Variants in KIRREL3 observed in about 807,000 individuals in gnomAD.
KIRREL3 encodes kin of IRRE-like protein 3.
A neutral mutation model predicts 89.7 loss-of-function variants in KIRREL3; 36 were observed. That is an observed-to-expected ratio of 0.40 (90% confidence interval 0.31 to 0.53). The LOEUF is 0.53. Among genes scored for constraint, KIRREL3 ranks in the 20% least tolerant of loss-of-function variants. The pLI, the probability that KIRREL3 is intolerant of heterozygous loss-of-function variation, is 0.49. For missense variants in KIRREL3, 864 were observed against 1,056.6 expected (o/e 0.82, Z 2.53); for synonymous variants, 445 against 441.4 (o/e 1.01, Z -0.10).
intron 1 of KIRREL3, among the ~76,000 whole-genome samples, chr11:126,858,274 A>C (rs759385226): frequency 1.3e-5 from 2 of 152,156 alleles, no homozygotes; most frequent in Non-Finnish European, 2.9e-5. Context: ...TGACTATGAG[A>C]GGCCAGGTTT....
At chr11:126,478,687 A>G (rs933925555) in intron 4 of KIRREL3, among the ~76,000 whole-genome samples, 13 of 152,074 alleles carry the variant, frequency 8.5e-5, no homozygotes, top group African/African-American at 2.2e-4. Context: ...ATGTATGTGC[A>G]TGTAGATGTA....
At position 126,441,931 on chromosome 11, in the gene KIRREL3, C is replaced by T. The variant is rs878988382; in HGVS notation, c.1253-1382G>A. Among the ~76,000 whole-genome samples the T allele has an allele frequency of 2.6e-5, 4 of 152,042 alleles. No individual in the cohort carries two copies. The highest frequency in any genetic ancestry group is 6.5e-5 in the Admixed American group (1 of 15,268). ...GATGAGGAGATTGATGTTTTAGGAA[C>T]CGGATGGTGCTTTGTTTTATTGCTG... is the stretch of plus-strand genomic sequence containing the variant. On this transcript the variant is annotated intron_variant, in intron 10 of 16. Transcript: ENST00000525144. This position sits in a 1 kb window ranked among gnomAD's most constrained non-coding sequence, Gnocchi z 5.0.
chr11:126,512,822 C>A (rs1031587498), intron 4 of KIRREL3, among the ~76,000 whole-genome samples: 5 of 152,206 alleles, frequency 3.3e-5, no homozygotes, highest in African/African-American at 1.2e-4. Flanking sequence ...GCCTCTCATG[C>A]CCCAACCCCA....
At chr11:126,450,872 T>C (rs374012666) in intron 7 of KIRREL3, among the ~76,000 whole-genome samples, 22 of 145,498 alleles carry the variant, frequency 1.5e-4, no homozygotes, top group African/African-American at 5.6e-4. Flanking sequence ...TGTGTGTGCA[T>C]GTGTGCATGT....
rs1329290417 is a variant in KIRREL3 at position 126,676,624 on chromosome 11, T to C, written c.56-113712A>G. Among the ~76,000 whole-genome samples the C allele has an allele frequency of 6.6e-6, 1 of 152,158 alleles. No individual in the cohort carries two copies. Among genetic ancestry groups the C allele is most frequent in the Admixed American group, 6.5e-5 (1 of 15,276 alleles). ...CTTTGAGTTCTCAAGTTCAGGAAAC[T>C]CAGACGTGGTCCTGGACTCTCCTTG... On this transcript the variant is annotated intron_variant, in intron 1 of 16. Transcript: ENST00000525144. This position sits in a 1 kb window ranked among gnomAD's most constrained non-coding sequence, Gnocchi z 4.5.
intron 1 of KIRREL3, among the ~76,000 whole-genome samples, chr11:126,950,394 C>A (rs12422046): frequency 0.2 from 30,157 of 151,330 alleles, 3,555 homozygotes; most frequent in East Asian, 0.61. Flanking sequence ...AACAAACAAA[C>A]AAACAAAACC....
chr11:126,792,333 T>G (rs1166156619), intron 1 of KIRREL3, among the ~76,000 whole-genome samples: 1 of 152,220 alleles, frequency 6.6e-6, no homozygotes, highest in Non-Finnish European at 1.5e-5. Flanking sequence ...TCAAACAACT[T>G]TATGAGATAG....
chr11:126,844,887 A>G lies in KIRREL3; in HGVS notation c.55+155568T>C, dbSNP rs1944088112. 6.6e-6 allele frequency among the ~76,000 whole-genome samples: 1 copy of G among 152,178 alleles called. No individual in the cohort carries two copies. Among genetic ancestry groups the G allele is most frequent in the Non-Finnish European group, 1.5e-5 (1 of 68,036 alleles). Reference sequence around the variant, plus strand: ...GGAAGAGATCCTTTTGCTACCAACAAGCAGCCACCTGAAATTGTCAGTGTT... The same window carrying G: ...GGAAGAGATCCTTTTGCTACCAACAGGCAGCCACCTGAAATTGTCAGTGTT... On this transcript the variant is annotated intron_variant, in intron 1 of 16. Transcript: ENST00000525144. This position sits in a 1 kb window ranked among gnomAD's most constrained non-coding sequence, Gnocchi z 4.8.
chr11:126,451,618 ATG>A lies in KIRREL3; in HGVS notation c.849-2463_849-2462del, dbSNP rs200804231. On this transcript the variant is annotated intron_variant, in intron 7 of 16. Coordinates refer to ENST00000525144, the MANE Select transcript of KIRREL3 (RefSeq NM_032531.4). ...CATGTGTGAGCATGTGCATGTGTGCATGTGTGTCCATGTGCATGTGTGCATGT... is the reference window on the plus strand; with the variant it reads ...CATGTGTGAGCATGTGCATGTGTGCATGTGTCCATGTGCATGTGTGCATGT... Among the ~76,000 whole-genome samples the A allele has an allele frequency of 2.7e-3, 371 of 135,758 alleles. 10 individuals are homozygous for A. The South Asian group carries it at 0.05, about 18-fold the overall frequency. The allele number at this position is 135,758 out of a possible 152,430, so 89.1% of individuals were successfully genotyped here. A position where few individuals can be genotyped will look rare whatever the true frequency, so the allele number is the denominator to read the frequency against.
intron 1 of KIRREL3, among the ~76,000 whole-genome samples, chr11:126,938,766 T>C (rs573791468): frequency 1.5e-4 from 23 of 152,332 alleles, no homozygotes; most frequent in Admixed American, 3.3e-4. Flanking sequence ...TTGTATCTTA[T>C]AGAAATAAAA....
At chr11:126,548,440 G>T (rs1317256705) in intron 2 of KIRREL3, among the ~76,000 whole-genome samples, 1 of 152,196 alleles carries the variant, frequency 6.6e-6, no homozygotes, top group Non-Finnish European at 1.5e-5. Context: ...CTCCACCCAT[G>T]CCCTACAGGA....
intron 5 of KIRREL3, among the ~76,000 whole-genome samples, chr11:126,465,650 G>A (rs1384318946): frequency 2.0e-5 from 3 of 152,184 alleles, no homozygotes; most frequent in African/African-American, 7.2e-5. Flanking sequence ...AGAGAGCCAC[G>A]CGGTGCAGCT....
chr11:126,868,510 G>A (rs1459932579), intron 1 of KIRREL3, among the ~76,000 whole-genome samples: 1 of 152,132 alleles, frequency 6.6e-6, no homozygotes, highest in East Asian at 1.9e-4. Flanking sequence ...TGTAATGGTG[G>A]GGCTGGGATT....
chr11:126,479,853 C>G (rs535692196), intron 4 of KIRREL3, among the ~76,000 whole-genome samples: 1 of 152,348 alleles, frequency 6.6e-6, no homozygotes, highest in East Asian at 1.9e-4. Flanking sequence ...TCCTGGACCA[C>G]TGGTCTTCTC....
chr11:126,511,047 C>CTGTGTGTGTGTG (rs55885385), intron 4 of KIRREL3, among the ~76,000 whole-genome samples: 3,510 of 142,224 alleles, frequency 0.025, 112 homozygotes, highest in African/African-American at 0.072. Context: ...ATCTGCAGTG[C>CTGTGTGTGTGTG]TGTGTGTGTG....
chr11:126,487,527 G>T (rs1310992912), intron 4 of KIRREL3, among the ~76,000 whole-genome samples: 1 of 152,192 alleles, frequency 6.6e-6, no homozygotes, highest in Non-Finnish European at 1.5e-5. Context: ...AAATTTACCA[G>T]ATCCACTGTT....
At chr11:126,880,033 G>T (rs895673433) in intron 1 of KIRREL3, among the ~76,000 whole-genome samples, 3 of 152,198 alleles carry the variant, frequency 2.0e-5, no homozygotes, top group Non-Finnish European at 4.4e-5. Context: ...AAGCAATTTG[G>T]CTGCCCTACT....
chr11:126,702,463 A>G (rs1241945397), intron 1 of KIRREL3, among the ~76,000 whole-genome samples: 2 of 152,190 alleles, frequency 1.3e-5, no homozygotes, highest in Non-Finnish European at 2.9e-5. Flanking sequence ...AGATGCTCCA[A>G]TGACAGAGCC....
chr11:126,598,938 A>C (rs2134738778), intron 1 of KIRREL3, among the ~76,000 whole-genome samples: 1 of 152,354 alleles, frequency 6.6e-6, no homozygotes, highest in Non-Finnish European at 1.5e-5. Flanking sequence ...GTGCCTGAGC[A>C]GTGGCTGCCT....
Sources: gnomAD v4.1 joint callset for allele counts (sites outside exome capture counted in the v4.1 genomes callset) on GRCh38, gnomAD v4.1.1 for gene constraint, Gnocchi (gnomAD v3.1) non-coding constraint, MANE v1.5 for transcripts, NCBI Gene and HGNC (gene_info 2026-07-23, HGNC 2026-07-21) for gene names.